Variants in ACAP2 observed in about 807,000 individuals in gnomAD.
ACAP2 encodes the protein ArfGAP with coiled-coil, ankyrin repeat and PH domains 2.
A neutral mutation model predicts 115.8 loss-of-function variants in ACAP2; 39 were observed. The observed-to-expected ratio is 0.34, with a 90% CI of 0.26 to 0.44. The LOEUF (loss-of-function observed/expected upper bound fraction) is 0.44. Among genes scored for constraint, ACAP2 ranks in the 20% least tolerant of loss-of-function variants. The pLI, the probability that ACAP2 is intolerant of heterozygous loss-of-function variation, is 1.00. For missense variants in ACAP2, 662 were observed against 927.6 expected, an observed-to-expected ratio of 0.71 and a Z score of 3.72; for synonymous variants, 289 against 315.8, an observed-to-expected ratio of 0.92 and a Z score of 0.90.
chr3:195,309,445 C>T (rs1728618885), intron 10 of ACAP2, among the ~76,000 whole-genome samples: 1 of 151,766 alleles, frequency 6.6e-6, no homozygotes, highest in Non-Finnish European at 1.5e-5. Context: ...ACTCAGGAGG[C>T]TGAGGCAGGA....
rs1226870287 is a variant in ACAP2 at position 195,326,926 on chromosome 3, T to G, written c.703A>C (p.Lys235Gln). 6.2e-7 allele frequency: 1 copy of G among 1,613,968 alleles called. No individual in the cohort carries two copies. The highest frequency in any genetic ancestry group is 1.7e-5 in the Admixed American group (1 of 60,008). The change falls in exon 9 of 23, where the codon AAA becomes CAA. Residue 235 changes from lysine (K) to glutamine (Q), a missense_variant. Physicochemically the swap from Lys to Gln is moderately conservative, Grantham distance 53 (BLOSUM62 1). Transcript: ENST00000326793. ...DRLVVDAAKE[K>Q]REMEQKHSTI... is the part of the protein sequence containing the mutation. ...GAATGTTTTTGCTCCATTTCTCTTT[T>G]CTCCTTTGCTGCATCCACAACCAGT...
At chr3:195,408,051 G>A (rs919573707) in intron 1 of ACAP2, among the ~76,000 whole-genome samples, 2 of 152,126 alleles carry the variant, frequency 1.3e-5, no homozygotes, top group African/African-American at 4.8e-5. Context: ...GGACAAGCTA[G>A]GTGAAATGCA....
chr3:195,388,771 C>A lies in ACAP2; in HGVS notation c.111+3319G>T, dbSNP rs183550532. Among the ~76,000 whole-genome samples the A allele has an allele frequency of 1.5e-3, 233 of 152,238 alleles. 2 individuals are homozygous for A. Among genetic ancestry groups the A allele is most frequent in the African/African-American group, 5.3e-3 (219 of 41,550 alleles). ...GCATGGGGGCTCACGCCTGTAATCC[C>A]AGCACTTTGGGAGGCCAAGGCGGGC... On this transcript the variant is annotated intron_variant, in intron 2 of 22. Coordinates refer to ENST00000326793, the MANE Select transcript of ACAP2 (RefSeq NM_012287.6).
chr3:195,367,046 C>T (rs1732771979), intron 4 of ACAP2, among the ~76,000 whole-genome samples: 1 of 142,196 alleles, frequency 7.0e-6, no homozygotes, highest in Admixed American at 7.0e-5. Flanking sequence ...TGCCCCCCAA[C>T]CCCGCCAAAA....
chr3:195,314,556 A>AC (rs920166907), intron 10 of ACAP2, among the ~76,000 whole-genome samples: 4 of 152,334 alleles, frequency 2.6e-5, no homozygotes, highest in Admixed American at 2.6e-4. Context: ...GGCATGAGCC[A>AC]CCATGCCCAG....
intron 22 of ACAP2, among the ~76,000 whole-genome samples, chr3:195,281,388 G>C (rs1726499654): frequency 6.6e-6 from 1 of 151,884 alleles, no homozygotes; most frequent in African/African-American, 2.4e-5. Context: ...CTGGGCAACA[G>C]AGCGAGACTC....
At chr3:195,308,646 C>T (rs1030681646) in intron 11 of ACAP2, 140 bp downstream of exon 11, 6 of 731,578 alleles carry the variant, frequency 8.2e-6, no homozygotes, top group African/African-American at 7.4e-5. Flanking sequence ...CTAGAGTCCT[C>T]TTATACCTGC....
chr3:195,434,101 A>T (rs998492399), intron 1 of ACAP2, among the ~76,000 whole-genome samples: 19 of 151,882 alleles, frequency 1.3e-4, no homozygotes, highest in African/African-American at 4.1e-4. Context: ...ACTAATTTTT[A>T]ATTTTTTTAT....
intron 4 of ACAP2, among the ~76,000 whole-genome samples, chr3:195,373,874 G>A (rs909947568): frequency 3.1e-4 from 47 of 152,018 alleles, no homozygotes; most frequent in African/African-American, 8.2e-4. Flanking sequence ...GCAGAGAACC[G>A]AGATCACGCC....
intron 9 of ACAP2, among the ~76,000 whole-genome samples, chr3:195,323,605 G>A (rs1482720806): frequency 6.6e-6 from 1 of 152,124 alleles, no homozygotes; most frequent in Non-Finnish European, 1.5e-5. Flanking sequence ...ATTGAAGGAG[G>A]GAAGGTAGGA....
rs147441716 is a variant in ACAP2 at position 195,280,089 on chromosome 3, G to A, written c.2237-661C>T. On this transcript the variant is annotated intron_variant, in intron 22 of 22. Coordinates refer to ENST00000326793, the MANE Select transcript of ACAP2 (RefSeq NM_012287.6). ...TGGGAAGCTGGGTGGGGGGGTTGGG[G>A]GGAGAATTGGTTGAGGCCAGGAGTT... 4.5e-4 allele frequency among the ~76,000 whole-genome samples: 69 copies of A among 151,898 alleles called. 2 individuals are homozygous for A. The highest frequency in any genetic ancestry group is 1.4e-3 in the African/African-American group (60 of 41,470).
At chr3:195,343,944 G>C (rs769762449) in intron 5 of ACAP2, among the ~76,000 whole-genome samples, 2 of 152,166 alleles carry the variant, frequency 1.3e-5, no homozygotes, top group African/African-American at 2.4e-5. Context: ...ATTTGGTTGG[G>C]TGCCTGTAAT....
At chr3:195,423,612 G>A (rs866969107) in intron 1 of ACAP2, among the ~76,000 whole-genome samples, 3 of 109,392 alleles carry the variant, frequency 2.7e-5, no homozygotes, top group South Asian at 6.7e-4. Flanking sequence ...AACAAAGTAA[G>A]ACTCCGTCTC....
At chr3:195,292,839 T>C (rs532425415) in intron 18 of ACAP2, among the ~76,000 whole-genome samples, 1 of 144,176 alleles carries the variant, frequency 6.9e-6, no homozygotes, top group Non-Finnish European at 1.5e-5. Context: ...CGAGAATCAC[T>C]TGAACCCGGG....
chr3:195,442,392 G>T (rs1423583125), intron 1 of ACAP2: 2 of 269,046 alleles, frequency 7.4e-6, no homozygotes, highest in African/African-American at 2.2e-5. Flanking sequence ...GTGGGGAGGG[G>T]GTGGAAACCA....
chr3:195,361,561 G>A (rs575590720), intron 4 of ACAP2, among the ~76,000 whole-genome samples: 10 of 151,942 alleles, frequency 6.6e-5, no homozygotes, highest in Non-Finnish European at 1.2e-4. Context: ...AGCTAAGAGT[G>A]CCTACATCAA....
intron 10 of ACAP2, among the ~76,000 whole-genome samples, chr3:195,318,882 G>T (rs1729260982): frequency 6.6e-6 from 1 of 152,190 alleles, no homozygotes; most frequent in African/African-American, 2.4e-5. Flanking sequence ...AAGACAATGG[G>T]AAAAATGTCT....
chr3:195,294,093 C>T lies in ACAP2; in HGVS notation c.1765+626G>A, dbSNP rs182908705. On this transcript the variant is annotated intron_variant, in intron 18 of 22. Transcript: ENST00000326793. Reference sequence around the variant, plus strand: ...GGTGGGGCTTGCAGTAAGCGAAGATCGCACCACTGTACTCCATCCTGGGTG... The same window carrying T: ...GGTGGGGCTTGCAGTAAGCGAAGATTGCACCACTGTACTCCATCCTGGGTG... Among the ~76,000 whole-genome samples, 32 of 151,614 alleles carry T rather than the reference C, an allele frequency of 2.1e-4. No individual in the cohort carries two copies. The East Asian group carries it at 5.6e-3, about 27-fold the overall frequency.
chr3:195,381,154 C>G, intron 3 of ACAP2, 92 bp from the exon 4 acceptor site: 1 of 866,890 alleles, frequency 1.2e-6, no homozygotes, highest in Non-Finnish European at 1.8e-6. Context: ...GACAGAAGAT[C>G]AAGTTACACT....
Sources: allele counts gnomAD v4.1 joint callset (sites outside exome capture counted in the v4.1 genomes callset), GRCh38; gene constraint gnomAD v4.1.1; transcripts MANE v1.5; gene names NCBI Gene and HGNC (gene_info 2026-07-23, HGNC 2026-07-21).